IL26: variants seen among roughly 807,000 people sequenced by gnomAD.
IL26 encodes the protein interleukin 26.
A neutral mutation model predicts 21.7 loss-of-function variants in IL26; 23 were observed. That is an observed-to-expected ratio of 1.06 (90% CI 0.76 to 1.50). The LOEUF (loss-of-function observed/expected upper bound fraction) is 1.50. Ranked by LOEUF, IL26 falls within the 40% of genes most tolerant of loss-of-function variation. The probability of loss-of-function intolerance (pLI) is 0.00; values close to 1 mark genes in which losing one functional copy is unlikely to be tolerated. For missense variants in IL26, 204 were observed against 196.0 expected, an observed-to-expected ratio of 1.04 and a Z score of -0.24; for synonymous variants, 63 against 67.8, an observed-to-expected ratio of 0.93 and a Z score of 0.34.
chr12:68,225,489 T>C lies in IL26; in HGVS notation c.183A>G (p.Ile61Met). 6.3e-7 allele frequency: 1 copy of C among 1,594,188 alleles called. No individual in the cohort carries two copies. The highest frequency in any genetic ancestry group is 8.6e-7 in the Non-Finnish European group (1 of 1,162,614). The change falls in exon 2 of 5, where the codon ATA becomes ATG. Residue 61 changes from isoleucine to methionine, a missense_variant. Physicochemically the swap from Ile to Met is conservative, Grantham distance 10. Transcript: ENST00000229134. ...TCTTTTTTAATAATCGTATATTTTT[T>C]ATGCGGTCTTCCTACAATAATACAA... ...WLKATIPEDR[I>M]KNIRLLKKKT...
chr12:68,211,789 A>G (rs2120444135), intron 3 of IL26, among the ~76,000 whole-genome samples: 1 of 152,184 alleles, frequency 6.6e-6, no homozygotes, highest in African/African-American at 2.4e-5. Flanking sequence ...CCCTTGTCAG[A>G]CGGATAGTTG....
intron 3 of IL26, among the ~76,000 whole-genome samples, chr12:68,224,085 T>C (rs1199798915): frequency 9.3e-5 from 14 of 149,788 alleles, no homozygotes; most frequent in Non-Finnish European, 2.1e-4. Context: ...GTGACCATGA[T>C]GCCCAGGATG....
At chr12:68,219,512 T>A (rs1047740723) in intron 3 of IL26, among the ~76,000 whole-genome samples, 4 of 151,850 alleles carry the variant, frequency 2.6e-5, no homozygotes, top group Non-Finnish European at 5.9e-5. Context: ...TAGCAAAGAT[T>A]GTGAAATGTA....
intron 3 of IL26, among the ~76,000 whole-genome samples, chr12:68,222,850 A>T (rs11570989): frequency 1.2e-3 from 185 of 152,306 alleles, no homozygotes; most frequent in African/African-American, 4.3e-3. Flanking sequence ...CAATAGGTTG[A>T]CCATTTATAC....
intron 3 of IL26, among the ~76,000 whole-genome samples, chr12:68,204,046 A>T (rs1358863309): frequency 6.6e-6 from 1 of 152,088 alleles, no homozygotes; most frequent in African/African-American, 2.4e-5. Context: ...TGCATCTGTG[A>T]ATGCTCAGTA....
At chr12:68,208,012 C>T (rs1868592277) in intron 3 of IL26, among the ~76,000 whole-genome samples, 1 of 151,934 alleles carries the variant, frequency 6.6e-6, no homozygotes, top group South Asian at 2.1e-4. Flanking sequence ...AAAACAAAAC[C>T]ACATGTAAGT....
At chr12:68,223,907 G>GT (rs1160517001) in intron 3 of IL26, among the ~76,000 whole-genome samples, 1 of 51,362 alleles carries the variant, frequency 1.9e-5, no homozygotes, top group African/African-American at 7.5e-5. Context: ...TTTTTTGCTT[G>GT]TTTTTTTCTT....
intron 3 of IL26, among the ~76,000 whole-genome samples, chr12:68,223,883 G>GTTTTTTTTTTTTTTTTTTT (rs201652400): frequency 9.8e-5 from 8 of 81,882 alleles, no homozygotes; most frequent in South Asian, 3.9e-4. Flanking sequence ...TAAATTTGGT[G>GTTTTTTTTTTTTTTTTTTT]GTTTTTTTTT....
At position 68,202,039 on chromosome 12, in the gene IL26, C is replaced by G. The variant is rs1868404038; in HGVS notation, c.408G>C (p.Arg136Ser). 6.3e-7 allele frequency: 1 copy of G among 1,585,304 alleles called. No individual in the cohort carries two copies. The highest frequency in any genetic ancestry group is 8.6e-7 in the Non-Finnish European group (1 of 1,162,540). Residue 136 changes from arginine to serine, a missense_variant, in exon 4 of 5, where the codon AGG becomes AGC. Physicochemically the swap from Arg to Ser is moderately radical, Grantham distance 110. Transcript: ENST00000229134. The stretch of plus-strand genomic sequence containing the variant: ...TTACCCTATAAAATATTCTTTTCAT[C>G]CTGGTAATGGATTTCATCTCTCTAG... ...SSAREMKSIT[R>S]MKRIFYRIGN...
intron 3 of IL26, among the ~76,000 whole-genome samples, chr12:68,203,949 A>C (rs1382677298): frequency 1.3e-5 from 2 of 152,150 alleles, no homozygotes; most frequent in Non-Finnish European, 2.9e-5. Flanking sequence ...AATGCTTTCT[A>C]GGTGTATTTC....
intron 3 of IL26, among the ~76,000 whole-genome samples, chr12:68,218,493 G>A (rs1868955246): frequency 6.6e-6 from 1 of 151,956 alleles, no homozygotes; most frequent in Non-Finnish European, 1.5e-5. Context: ...AACGATTAGT[G>A]ATCTTGAAGA....
In IL26 at chr12:68,203,976, A is replaced by G. The variant is rs1242423566; in HGVS notation, c.364-1893T>C. On this transcript the variant is annotated intron_variant, in intron 3 of 4. Transcript: ENST00000229134. ...GTGTATTTCATGTTACATTTGCACC[A>G]AACTATACAACATGGGATTCTTTCT... Among the ~76,000 whole-genome samples the G allele has an allele frequency of 2.0e-5, 3 of 152,306 alleles. No individual in the cohort carries two copies. In the East Asian group the frequency reaches 5.8e-4, roughly 29 times the overall value.
intron 3 of IL26, among the ~76,000 whole-genome samples, chr12:68,221,833 C>T (rs1380655050): frequency 6.6e-6 from 1 of 152,004 alleles, no homozygotes; most frequent in Admixed American, 6.6e-5. Context: ...CATAAGTATT[C>T]CATCATTGGA....
intron 3 of IL26, among the ~76,000 whole-genome samples, chr12:68,223,242 A>C (rs758415427): frequency 6.6e-6 from 1 of 152,136 alleles, no homozygotes; most frequent in Non-Finnish European, 1.5e-5. Flanking sequence ...AGGTGGGAGC[A>C]GGGAAGAAGG....
Position 68,201,795 on chromosome 12 carries a change from T to C in IL26, c.*50A>G. On this transcript the variant is annotated 3_prime_UTR_variant, in exon 5 of 5. Transcript: ENST00000229134. ...ACTGTTATAAACATATTTCTAGCAG[T>C]TCTTATTGTATTTCAAAATAACTGT... The C allele has an allele frequency of 2.4e-6, 3 of 1,261,736 alleles. No individual in the cohort carries two copies. Among genetic ancestry groups the C allele is most frequent in the Non-Finnish European group, 3.4e-6 (3 of 893,034 alleles). The allele number at this position is 1,261,736 out of a possible 1,614,324, so 78.2% of individuals were successfully genotyped here. A position where few individuals can be genotyped will look rare whatever the true frequency, so the allele number is the denominator to read the frequency against.
At chr12:68,215,212 T>C (rs1868842361) in intron 3 of IL26, among the ~76,000 whole-genome samples, 1 of 152,218 alleles carries the variant, frequency 6.6e-6, no homozygotes. Context: ...GGTATAGGTA[T>C]CCTACCCAGG....
At chr12:68,205,265 G>A (rs1868505431) in intron 3 of IL26, among the ~76,000 whole-genome samples, 1 of 151,994 alleles carries the variant, frequency 6.6e-6, no homozygotes, top group Admixed American at 6.5e-5. Flanking sequence ...GAACAATGCT[G>A]GATAACGTTA....
chr12:68,214,713 A>G (rs1329016090), intron 3 of IL26, among the ~76,000 whole-genome samples: 2 of 152,076 alleles, frequency 1.3e-5, no homozygotes, highest in Admixed American at 1.3e-4. Context: ...CTGTCAGTCT[A>G]TGTGAGCCTT....
At chr12:68,223,558 TG>T (rs1187934304) in intron 3 of IL26, among the ~76,000 whole-genome samples, 5 of 152,142 alleles carry the variant, frequency 3.3e-5, no homozygotes, top group African/African-American at 9.7e-5. Context: ...GACATGGATT[TG>T]GGGGTTCTGA....
Sources: gnomAD v4.1 joint callset for allele counts (sites outside exome capture counted in the v4.1 genomes callset) on GRCh38, gnomAD v4.1.1 for gene constraint, MANE v1.5 for transcripts, NCBI Gene and HGNC (gene_info 2026-07-23, HGNC 2026-07-21) for gene names.